Variants in PTPRG observed in about 807,000 individuals in gnomAD.
PTPRG encodes the protein protein tyrosine phosphatase receptor type G, also known as receptor-type tyrosine-protein phosphatase gamma.
Under a neutral mutation model 165.3 loss-of-function variants are expected in PTPRG, and 102 were observed. The ratio of observed to expected loss-of-function variants is 0.62; its 90% CI spans 0.53 to 0.73. PTPRG has a LOEUF of 0.73. PTPRG is among the 30% of genes least tolerant of loss of function. The pLI is 0.00. For missense variants in PTPRG, 1,866 were observed against 1,861.4 expected (o/e 1.00, Z -0.05); for synonymous variants, 675 against 669.5 (o/e 1.01, Z -0.13).
chr3:62,007,333 A>T (rs2041321734), intron 4 of PTPRG, among the ~76,000 whole-genome samples: 1 of 152,262 alleles, frequency 6.6e-6, no homozygotes, highest in Non-Finnish European at 1.5e-5. Flanking sequence ...TCCTACACTT[A>T]AAAACATCTA....
intron 13 of PTPRG, among the ~76,000 whole-genome samples, chr3:62,220,872 A>C (rs555811880): frequency 3.0e-4 from 46 of 152,274 alleles, no homozygotes; most frequent in Middle Eastern, 3.4e-3. Context: ...CACAGCTGCC[A>C]CAGCATAAAG....
rs1445849324 is a variant in PTPRG at position 62,245,292 on chromosome 3, AG to A, written c.2467+1395del. Reference sequence around the variant, plus strand: ...TAGACAGGAATCATCAGTCTTCATCAGCATGAAATAAGTAGTTTCATTGAAT... The same window carrying A: ...TAGACAGGAATCATCAGTCTTCATCACATGAAATAAGTAGTTTCATTGAAT... On this transcript the variant is annotated intron_variant, in intron 15 of 29. Transcript: ENST00000474889. This position sits in a 1 kb window ranked among gnomAD's most constrained non-coding sequence, Gnocchi z 4.2. Among the ~76,000 whole-genome samples the A allele has an allele frequency of 1.3e-5, 2 of 152,202 alleles. No individual in the cohort carries two copies. Among genetic ancestry groups the A allele is most frequent in the Non-Finnish European group, 2.9e-5 (2 of 68,036 alleles).
intron 1 of PTPRG, among the ~76,000 whole-genome samples, chr3:61,578,703 T>C (rs781135302): frequency 5.3e-5 from 8 of 152,236 alleles, no homozygotes; most frequent in Non-Finnish European, 1.0e-4. Context: ...CCAGAAGGGC[T>C]TCTAGCTTGG....
At chr3:61,755,037 A>C (rs943883946) in intron 2 of PTPRG, among the ~76,000 whole-genome samples, 20 of 150,494 alleles carry the variant, frequency 1.3e-4, no homozygotes, top group African/African-American at 4.4e-4. Context: ...TGTTGCCCAG[A>C]TCTCAGCTCA....
intron 1 of PTPRG, among the ~76,000 whole-genome samples, chr3:61,569,059 G>A (rs1699995252): frequency 6.6e-6 from 1 of 152,178 alleles, no homozygotes; most frequent in Non-Finnish European, 1.5e-5. Context: ...TGGGTGTGGG[G>A]ATGGAGGTAA....
chr3:62,215,550 C>CG (rs1450712047), intron 12 of PTPRG, among the ~76,000 whole-genome samples: 4 of 138,880 alleles, frequency 2.9e-5, no homozygotes, highest in Non-Finnish European at 6.3e-5. Context: ...ACGGGAACCC[C>CG]CCCCCCCCGC....
chr3:61,648,667 T>A (rs946016050), intron 1 of PTPRG, among the ~76,000 whole-genome samples: 5 of 152,190 alleles, frequency 3.3e-5, no homozygotes, highest in Non-Finnish European at 7.3e-5. Context: ...CACACACTCA[T>A]TTGGCTGCCA....
chr3:61,807,625 C>G (rs1483748013), intron 2 of PTPRG, among the ~76,000 whole-genome samples: 1 of 152,090 alleles, frequency 6.6e-6, no homozygotes, highest in Non-Finnish European at 1.5e-5. Context: ...TAATCTAAGA[C>G]TGCTAGAAAA....
At chr3:61,808,581 A>G (rs112764018) in intron 2 of PTPRG, among the ~76,000 whole-genome samples, 1,788 of 152,302 alleles carry the variant, frequency 0.012, 27 homozygotes, top group African/African-American at 0.04. Flanking sequence ...TACTGGCTCT[A>G]AAGGCACATT....
intron 16 of PTPRG, among the ~76,000 whole-genome samples, chr3:62,256,379 G>C (rs2046253386): frequency 6.6e-6 from 1 of 152,050 alleles, no homozygotes; most frequent in East Asian, 1.9e-4. Context: ...CTTTCTCTTA[G>C]TTTTTTTGTT....
intron 5 of PTPRG, among the ~76,000 whole-genome samples, chr3:62,081,038 A>G (rs544215702): frequency 7.4e-4 from 113 of 151,924 alleles, no homozygotes; most frequent in African/African-American, 2.6e-3. Flanking sequence ...CGGGCGGATC[A>G]CTAGTTCAGG....
At chr3:62,257,656 A>G (rs952947786) in intron 16 of PTPRG, among the ~76,000 whole-genome samples, 4 of 152,160 alleles carry the variant, frequency 2.6e-5, no homozygotes, top group Admixed American at 6.6e-5. Context: ...CCAGACTCTC[A>G]TTAAAGTAGT....
intron 1 of PTPRG, among the ~76,000 whole-genome samples, chr3:61,689,155 CAT>C (rs2029985563): frequency 6.6e-6 from 1 of 152,182 alleles, no homozygotes; most frequent in Non-Finnish European, 1.5e-5. Context: ...CTAAGAAAAA[CAT>C]ATTGCAATTC....
chr3:62,007,644 T>C (rs1049723606), intron 4 of PTPRG, among the ~76,000 whole-genome samples: 2 of 152,184 alleles, frequency 1.3e-5, no homozygotes, highest in Non-Finnish European at 2.9e-5. Context: ...GTATTTACAC[T>C]CCAGTGGTGA....
At chr3:62,288,307 GT>G (rs1413567705) in intron 28 of PTPRG, among the ~76,000 whole-genome samples, 18 of 152,244 alleles carry the variant, frequency 1.2e-4, no homozygotes, top group African/African-American at 2.9e-4. Context: ...GCAATAAATA[GT>G]TTAGTAAGAG....
chr3:61,917,607 G>A (rs1179254833), intron 2 of PTPRG, among the ~76,000 whole-genome samples: 2 of 152,124 alleles, frequency 1.3e-5, no homozygotes, highest in African/African-American at 4.8e-5. Context: ...GCTAACAATG[G>A]ACATTTAATT....
chr3:61,659,122 C>T (rs751027034), intron 1 of PTPRG, among the ~76,000 whole-genome samples: 4 of 152,176 alleles, frequency 2.6e-5, no homozygotes, highest in Non-Finnish European at 5.9e-5. Flanking sequence ...GCCCCTCTAG[C>T]CTGAAAGCCT....
rs1700993994 is a variant in PTPRG, at chr3:62,234,956, C to T, written c.2375+3645C>T. On this transcript the variant is annotated intron_variant, in intron 14 of 29. Coordinates refer to ENST00000474889, the MANE Select transcript of PTPRG (RefSeq NM_002841.4). ...CTACTTCCCCCCCCCGAGATGGTCT[C>T]AAGTATTTTAAAAAAAATACTGTAA... 2.0e-5 allele frequency among the ~76,000 whole-genome samples: 3 copies of T among 149,796 alleles called. No homozygotes were observed. In the South Asian group the frequency reaches 6.4e-4, roughly 32 times the overall value.
chr3:61,694,973 T>C (rs909360335), intron 1 of PTPRG, among the ~76,000 whole-genome samples: 1 of 152,174 alleles, frequency 6.6e-6, no homozygotes, highest in Non-Finnish European at 1.5e-5. Context: ...AGACCTACTT[T>C]TCACTGCGTA....
Sources: gnomAD v4.1 joint callset for allele counts (sites outside exome capture counted in the v4.1 genomes callset) on GRCh38, gnomAD v4.1.1 for gene constraint, Gnocchi (gnomAD v3.1) non-coding constraint, MANE v1.5 for transcripts, NCBI Gene and HGNC (gene_info 2026-07-23, HGNC 2026-07-21) for gene names.